The following NALF1 variants were observed in gnomAD, a reference collection of about 807,000 sequenced individuals.
NALF1 encodes the protein NALCN channel auxiliary factor 1, also known as family with sequence similarity 155 member A.
A neutral mutation model predicts 48.4 loss-of-function variants in NALF1; 3 were observed. The ratio of observed to expected loss-of-function variants is 0.06; its 90% CI spans 0.03 to 0.16. The LOEUF (loss-of-function observed/expected upper bound fraction) is 0.16. Among genes scored for constraint, NALF1 ranks in the 10% least tolerant of loss-of-function variants. The pLI, the probability that NALF1 is intolerant of heterozygous loss-of-function variation, is 1.00. For missense variants in NALF1, 526 were observed against 571.5 expected, an observed-to-expected ratio of 0.92 and a Z score of 0.81; for synonymous variants, 262 against 245.7, an observed-to-expected ratio of 1.07 and a Z score of -0.62.
intron 1 of NALF1, among the ~76,000 whole-genome samples, chr13:107,557,844 C>G (rs773025277): frequency 6.6e-6 from 1 of 152,052 alleles, no homozygotes; most frequent in African/African-American, 2.4e-5. Context: ...CGAAAAGAGG[C>G]TCTACATCGA....
At chr13:107,810,039 C>A (rs1878940336) in intron 1 of NALF1, among the ~76,000 whole-genome samples, 1 of 152,004 alleles carries the variant, frequency 6.6e-6, no homozygotes, top group Non-Finnish European at 1.5e-5. Flanking sequence ...CCGCATCATA[C>A]TACTATTTCA....
intron 1 of NALF1, among the ~76,000 whole-genome samples, chr13:107,338,550 C>A (rs1307486234): frequency 6.6e-6 from 1 of 152,094 alleles, no homozygotes; most frequent in Non-Finnish European, 1.5e-5. Context: ...CCTTGACCAT[C>A]GATTGATATA....
chr13:107,707,654 C>A (rs1444107875), intron 1 of NALF1, among the ~76,000 whole-genome samples: 1 of 152,132 alleles, frequency 6.6e-6, no homozygotes, highest in Non-Finnish European at 1.5e-5. Context: ...ATCAACTGTC[C>A]CTGAGGTGGA....
At chr13:107,276,932 T>C (rs967126045) in intron 1 of NALF1, among the ~76,000 whole-genome samples, 7 of 152,074 alleles carry the variant, frequency 4.6e-5, no homozygotes, top group African/African-American at 1.4e-4. Context: ...CTATTTTCAT[T>C]AAAAACAAAA....
intron 1 of NALF1, among the ~76,000 whole-genome samples, chr13:107,363,795 C>A (rs1041213373): frequency 2.0e-5 from 3 of 152,112 alleles, no homozygotes; most frequent in Non-Finnish European, 4.4e-5. Context: ...TAAATAAAAG[C>A]ATAAAACATT....
rs546014868 is a variant in NALF1 at position 107,775,800 on chromosome 13, T to C, written c.915+89882A>G. Among the ~76,000 whole-genome samples, 3 of 152,300 alleles carry C rather than the reference T, an allele frequency of 2.0e-5. No individual in the cohort carries two copies. In the South Asian group the frequency reaches 6.2e-4, roughly 32 times the overall value. ...TTATTTCATTTATTCTTTACAACAA[T>C]ATAGAAAAGTATTATGTTCCCCACA... On this transcript the variant is annotated intron_variant, in intron 1 of 2. Coordinates refer to ENST00000375915, the MANE Select transcript of NALF1 (RefSeq NM_001080396.3).
At chr13:107,537,771 A>G (rs1363705978) in intron 1 of NALF1, among the ~76,000 whole-genome samples, 1 of 152,094 alleles carries the variant, frequency 6.6e-6, no homozygotes, top group Non-Finnish European at 1.5e-5. Context: ...TAATCCCAGC[A>G]CTTTGGGAGG....
intron 2 of NALF1, among the ~76,000 whole-genome samples, chr13:107,172,623 A>T (rs1878830025): frequency 6.6e-6 from 1 of 152,138 alleles, no homozygotes; most frequent in Non-Finnish European, 1.5e-5. Context: ...TTCAGCTCTG[A>T]CATTTTTATT....
chr13:107,490,561 T>C (rs1475870989), intron 1 of NALF1, among the ~76,000 whole-genome samples: 1 of 152,032 alleles, frequency 6.6e-6, no homozygotes, highest in African/African-American at 2.4e-5. Context: ...CAGCCTATCA[T>C]AGGGTGATGG....
intron 1 of NALF1, among the ~76,000 whole-genome samples, chr13:107,403,409 T>C (rs1284194404): frequency 6.6e-6 from 1 of 151,768 alleles, no homozygotes; most frequent in Non-Finnish European, 1.5e-5. Context: ...CCACTAATTA[T>C]GGAGCTATTC....
chr13:107,559,967 G>A (rs1397138633), intron 1 of NALF1, among the ~76,000 whole-genome samples: 5 of 151,750 alleles, frequency 3.3e-5, no homozygotes, highest in South Asian at 2.1e-4. Context: ...GAGGAAGGCA[G>A]GTAGCCCAAG....
chr13:107,344,048 C>T (rs1182560547), intron 1 of NALF1, among the ~76,000 whole-genome samples: 1 of 151,544 alleles, frequency 6.6e-6, no homozygotes, highest in African/African-American at 2.4e-5. Flanking sequence ...AGATAATAAG[C>T]GACTACAGAA....
chr13:107,341,736 C>T (rs940510948), intron 1 of NALF1, among the ~76,000 whole-genome samples: 10 of 150,846 alleles, frequency 6.6e-5, no homozygotes, highest in Non-Finnish European at 1.3e-4. Context: ...GTATATATTA[C>T]ACATTATATA....
chr13:107,768,225 T>C (rs1028346710), intron 1 of NALF1, among the ~76,000 whole-genome samples: 1 of 152,190 alleles, frequency 6.6e-6, no homozygotes, highest in African/African-American at 2.4e-5. Flanking sequence ...TTGAGCAGTA[T>C]CTGGCACAAA....
At chr13:107,651,821 T>C (rs1277892302) in intron 1 of NALF1, among the ~76,000 whole-genome samples, 1 of 152,102 alleles carries the variant, frequency 6.6e-6, no homozygotes, top group Non-Finnish European at 1.5e-5. Flanking sequence ...CTAATTAAAA[T>C]AAGACATCAG....
intron 1 of NALF1, among the ~76,000 whole-genome samples, chr13:107,806,786 C>T (rs1878803584): frequency 6.6e-6 from 1 of 152,144 alleles, no homozygotes; most frequent in African/African-American, 2.4e-5. Context: ...TTTTTAATAG[C>T]TGTTTTGTTT....
chr13:107,616,848 C>G (rs1462577020), intron 1 of NALF1, among the ~76,000 whole-genome samples: 1 of 152,162 alleles, frequency 6.6e-6, no homozygotes, highest in Non-Finnish European at 1.5e-5. Context: ...CCACCTGCTC[C>G]TGGATGACAC....
chr13:107,557,543 T>TG (rs1384033704), intron 1 of NALF1, among the ~76,000 whole-genome samples: 2 of 152,176 alleles, frequency 1.3e-5, no homozygotes, highest in African/African-American at 4.8e-5. Flanking sequence ...GCCCCTTTTG[T>TG]GCTGGCACCA....
chr13:107,416,940 C>T (rs760739421), intron 1 of NALF1, among the ~76,000 whole-genome samples: 3 of 152,188 alleles, frequency 2.0e-5, no homozygotes, highest in Admixed American at 6.5e-5. Flanking sequence ...TATAAAGACC[C>T]GATGTGGAAT....
Sources: allele counts gnomAD v4.1 joint callset (sites outside exome capture counted in the v4.1 genomes callset), GRCh38; gene constraint gnomAD v4.1.1; transcripts MANE v1.5; gene names NCBI Gene and HGNC (gene_info 2026-07-23, HGNC 2026-07-21).